The following INTS3 variants were observed in gnomAD, a reference collection of about 807,000 sequenced individuals.
INTS3 encodes integrator complex subunit 3.
INTS3 carries 34 observed loss-of-function variants against 146.3 expected under a neutral mutation model. That is an observed-to-expected ratio of 0.23 (90% CI 0.18 to 0.31). The LOEUF is 0.31. Among genes scored for constraint, INTS3 ranks in the 10% least tolerant of loss-of-function variants. The probability of loss-of-function intolerance (pLI) is 1.00; values close to 1 mark genes in which losing one functional copy is unlikely to be tolerated. For missense variants in INTS3, 757 were observed against 1,304.2 expected (o/e 0.58, Z 6.46); for synonymous variants, 475 against 494.9 (o/e 0.96, Z 0.53).
At chr1:153,763,410 C>T in intron 16 of INTS3, 48 bp downstream of exon 16, 2 of 1,604,494 alleles carry the variant, frequency 1.2e-6, no homozygotes, top group Non-Finnish European at 1.7e-6. Context: ...GCCCCAGGCT[C>T]TCTACCTGGT....
At position 153,730,293 on chromosome 1, in the gene INTS3, A is replaced by T. The variant is rs1349567830; in HGVS notation, c.150+1509A>T. On this transcript the variant is annotated intron_variant, in intron 1 of 29. Coordinates refer to ENST00000318967, the MANE Select transcript of INTS3 (RefSeq NM_023015.5). ...GTTATCAGCTAAGGTAGATATAATT[A>T]TGAATGTGAACAATGTATTCCCAAA... is the stretch of plus-strand genomic sequence containing the variant. 3.3e-5 allele frequency among the ~76,000 whole-genome samples: 5 copies of T among 152,220 alleles called. No homozygotes were observed. The East Asian group carries it at 9.6e-4, about 29-fold the overall frequency.
intron 3 of INTS3, 193 bp from the exon 4 acceptor site, chr1:153,746,764 G>C (rs2101797715): frequency 1.8e-6 from 1 of 563,598 alleles, no homozygotes; most frequent in South Asian, 2.3e-5. Context: ...CTGTGTGACA[G>C]AACAAGGGAT....
At position 153,762,860 on chromosome 1, in the gene INTS3, G is replaced by A. The variant is rs1455331465; in HGVS notation, c.1636+13G>A. On this transcript the variant is annotated intron_variant, in intron 15 of 29. Transcript: ENST00000318967. ...CTCAACAGCAAAGGTGAGGCCATCA[G>A]CAAGGGCTAGTTCAGGGTTGTGTCA... is the stretch of plus-strand genomic sequence containing the variant. 6.2e-7 allele frequency: 1 copy of A among 1,613,562 alleles called. No homozygotes were observed. Among genetic ancestry groups the A allele is most frequent in the Non-Finnish European group, 8.5e-7 (1 of 1,179,942 alleles).
At chr1:153,730,573 TA>T (rs1488765077) in intron 1 of INTS3, among the ~76,000 whole-genome samples, 1 of 152,186 alleles carries the variant, frequency 6.6e-6, no homozygotes, top group Non-Finnish European at 1.5e-5. Flanking sequence ...ATTCACTGAA[TA>T]GTACAGCATC....
intron 3 of INTS3, among the ~76,000 whole-genome samples, chr1:153,742,916 A>T (rs1671593400): frequency 6.6e-6 from 1 of 152,220 alleles, no homozygotes; most frequent in Non-Finnish European, 1.5e-5. Context: ...TTCACATGCT[A>T]AAAGTTTCCA....
Position 153,773,381 on chromosome 1 carries a change from C to A in INTS3, c.*111C>A. 1 of 1,022,568 alleles carries A rather than the reference C, an allele frequency of 9.8e-7. No homozygotes were observed. The highest frequency in any genetic ancestry group is 1.5e-6 in the Non-Finnish European group (1 of 656,146). 63.3% of individuals were successfully genotyped at this position (1,022,568 alleles called of 1,614,324 possible). On this transcript the variant is annotated 3_prime_UTR_variant, in exon 30 of 30. Transcript: ENST00000318967. ...AGGGGAAACACCCTTGCTGCATCCC[C>A]AAGCTCCCCCGGTGGAAGGAGGAGC...
chr1:153,751,745 G>A (rs903839712), intron 7 of INTS3, among the ~76,000 whole-genome samples: 9 of 152,174 alleles, frequency 5.9e-5, no homozygotes, highest in Non-Finnish European at 1.0e-4. Context: ...GATTATAGGC[G>A]TGAGCCACTC....
At chr1:153,751,334 A>G in intron 7 of INTS3, 95 bp downstream of exon 7, 2 of 1,230,452 alleles carry the variant, frequency 1.6e-6, no homozygotes, top group Non-Finnish European at 2.3e-6. Flanking sequence ...ACCTTGTTAG[A>G]GATGAAGGTG....
At chr1:153,771,677 G>A (rs1672875397) in intron 25 of INTS3, 119 bp from the exon 26 acceptor site, 2 of 916,510 alleles carry the variant, frequency 2.2e-6, no homozygotes, top group Non-Finnish European at 3.4e-6. Context: ...AGAAGAGGGA[G>A]AGGGATGTGA....
rs988550455 is a variant in INTS3, at chr1:153,761,627, G to A, written c.1467G>A (p.Leu489=). Residue 489 remains leucine (L), a synonymous_variant, in exon 14 of 30, where the codon CTG becomes CTA. Transcript: ENST00000318967. ...PKLDKELRAM[L]REKFPEFCSS... ...TGGATAAGGAGCTGCGGGCAATGCTGAGAGAGAAGTTTCCTGAGTTCTGCA... is the reference window on the plus strand; with the variant it reads ...TGGATAAGGAGCTGCGGGCAATGCTAAGAGAGAAGTTTCCTGAGTTCTGCA... 2 of 1,614,200 alleles carry A rather than the reference G, an allele frequency of 1.2e-6. No individual in the cohort carries two copies. Among genetic ancestry groups the A allele is most frequent in the Non-Finnish European group, 1.7e-6 (2 of 1,180,010 alleles).
chr1:153,750,705 G>C (rs1671925887), intron 6 of INTS3: 3 of 197,842 alleles, frequency 1.5e-5, no homozygotes, highest in Admixed American at 5.6e-5. Context: ...GTCTGACCTG[G>C]GTAGATACTG....
Position 153,754,762 on chromosome 1 carries a change from G to A in INTS3, c.957+23G>A, listed in dbSNP as rs1316028999. 4.1e-6 allele frequency: 6 copies of A among 1,475,348 alleles called. No individual in the cohort carries two copies. In the African/African-American group the frequency reaches 8.3e-5, roughly 20 times the overall value. The allele number at this position is 1,475,348 out of a possible 1,614,324, so 91.4% of individuals were successfully genotyped here. ...CGGGTAAGCTAAGGTGTTGCAGCAA[G>A]AGAAGAGGTCACACGCTGGCTGGGC... On this transcript the variant is annotated intron_variant, in intron 9 of 29. Transcript: ENST00000318967.
intron 7 of INTS3, 188 bp from the exon 8 acceptor site, chr1:153,752,091 C>T: frequency 3.1e-6 from 2 of 642,196 alleles, no homozygotes. Context: ...GATATCAGTC[C>T]CCAGCTTCCA....
At chr1:153,750,725 C>G (rs775000543) in intron 6 of INTS3, 1 of 219,672 alleles carries the variant, frequency 4.6e-6, no homozygotes, top group Non-Finnish European at 9.0e-6. Context: ...GTGGTTAATT[C>G]TGTCCCTAGT....
chr1:153,732,706 C>T (rs139311319), intron 1 of INTS3, among the ~76,000 whole-genome samples: 2,813 of 152,038 alleles, frequency 0.019, 43 homozygotes, highest in Middle Eastern at 0.068. Flanking sequence ...CCTCGGCCTC[C>T]GAAAGTGCTG....
At chr1:153,758,008 T>C (rs1185472193) in intron 10 of INTS3, among the ~76,000 whole-genome samples, 2 of 152,164 alleles carry the variant, frequency 1.3e-5, no homozygotes, top group African/African-American at 4.8e-5. Flanking sequence ...CCCAAAAGCC[T>C]GGGTTTCTGG....
At chr1:153,749,483 A>G (rs1325099033) in intron 6 of INTS3, among the ~76,000 whole-genome samples, 2 of 152,226 alleles carry the variant, frequency 1.3e-5, no homozygotes. Flanking sequence ...TACTATCTGT[A>G]GTTCAGAAGA....
intron 1 of INTS3, among the ~76,000 whole-genome samples, chr1:153,739,361 G>A (rs563416976): frequency 1.0e-4 from 15 of 144,968 alleles, no homozygotes; most frequent in Non-Finnish European, 2.1e-4. Context: ...CACCGCGCCC[G>A]GCCGGAGTTT....
intron 2 of INTS3, 78 bp from the exon 3 acceptor site, chr1:153,741,207 G>C: frequency 9.6e-7 from 1 of 1,046,304 alleles, no homozygotes; most frequent in East Asian, 2.4e-5. Flanking sequence ...GGAGTCCCAT[G>C]TTTTCTGGGA....
Sources: allele counts gnomAD v4.1 joint callset (sites outside exome capture counted in the v4.1 genomes callset), GRCh38; gene constraint gnomAD v4.1.1; transcripts MANE v1.5; gene names NCBI Gene and HGNC (gene_info 2026-07-23, HGNC 2026-07-21).